Variants in SOX5 observed in about 807,000 individuals in gnomAD.
SOX5 encodes the protein SRY-box transcription factor 5.
A neutral mutation model predicts 92.0 loss-of-function variants in SOX5; 9 were observed. The observed-to-expected ratio is 0.10, with a 90% CI of 0.06 to 0.17. The LOEUF is 0.17. Among genes scored for constraint, SOX5 ranks in the 10% least tolerant of loss-of-function variants. The pLI is 1.00. For missense variants in SOX5, 642 were observed against 944.5 expected, an observed-to-expected ratio of 0.68 and a Z score of 4.20; for synonymous variants, 344 against 336.3, an observed-to-expected ratio of 1.02 and a Z score of -0.25.
intron 3 of SOX5, among the ~76,000 whole-genome samples, chr12:24,263,869 T>TTCCTGTACACATTCC (rs1942629126): frequency 6.6e-6 from 1 of 152,188 alleles, no homozygotes; most frequent in Non-Finnish European, 1.5e-5. Flanking sequence ...TCCTGCACAC[T>TTCCTGTACACATTCC]TGTACTTTCT....
intron 3 of SOX5, among the ~76,000 whole-genome samples, chr12:24,266,264 C>T (rs1243253196): frequency 6.6e-6 from 1 of 152,148 alleles, no homozygotes; most frequent in African/African-American, 2.4e-5. Flanking sequence ...TTACTATTAA[C>T]ACTATATCCC....
intron 6 of SOX5, among the ~76,000 whole-genome samples, chr12:23,723,288 C>G (rs1438972909): frequency 6.6e-6 from 1 of 151,832 alleles, no homozygotes; most frequent in Admixed American, 6.6e-5. Flanking sequence ...CTCAATCTTT[C>G]CAACTTACTC....
chr12:23,670,025 A>C (rs563603636), intron 6 of SOX5, among the ~76,000 whole-genome samples: 4 of 152,318 alleles, frequency 2.6e-5, no homozygotes, highest in African/African-American at 4.8e-5. Flanking sequence ...TTCCAACAAC[A>C]GTTCAACAAA....
chr12:24,146,963 AT>A (rs1951155619), intron 4 of SOX5, among the ~76,000 whole-genome samples: 1 of 152,126 alleles, frequency 6.6e-6, no homozygotes, highest in South Asian at 2.1e-4. Context: ...CTTCATGTCT[AT>A]TTTTTAAATG....
At chr12:24,105,667 C>T (rs932447314) in intron 4 of SOX5, among the ~76,000 whole-genome samples, 3 of 152,154 alleles carry the variant, frequency 2.0e-5, no homozygotes, top group Non-Finnish European at 4.4e-5. Flanking sequence ...AATTACATAA[C>T]ATATGTAGTT....
At chr12:24,434,674 T>G (rs1369345488) in intron 1 of SOX5, among the ~76,000 whole-genome samples, 5 of 152,086 alleles carry the variant, frequency 3.3e-5, no homozygotes, top group African/African-American at 1.2e-4. Flanking sequence ...TGTCCTGAGA[T>G]CTGGTTGTTT....
At chr12:23,894,881 C>A (rs892611062) in intron 2 of SOX5, among the ~76,000 whole-genome samples, 2 of 152,090 alleles carry the variant, frequency 1.3e-5, no homozygotes, top group African/African-American at 4.8e-5. Flanking sequence ...ATTAACAACA[C>A]TAACATCCTT....
intron 13 of SOX5, among the ~76,000 whole-genome samples, chr12:23,540,003 G>T (rs1274792358): frequency 6.6e-6 from 1 of 151,704 alleles, no homozygotes; most frequent in African/African-American, 2.4e-5. Context: ...GGCTTTGCAG[G>T]TACTATAACC....
At chr12:23,989,668 T>G (rs1259694341) in intron 4 of SOX5, among the ~76,000 whole-genome samples, 1 of 152,088 alleles carries the variant, frequency 6.6e-6, no homozygotes, top group South Asian at 2.1e-4. Context: ...ATTTGTGCCC[T>G]TATAACTATA....
chr12:24,256,506 G>A (rs2140207647), intron 3 of SOX5, among the ~76,000 whole-genome samples: 1 of 152,264 alleles, frequency 6.6e-6, no homozygotes, highest in South Asian at 2.1e-4. Context: ...TTGCCCAACA[G>A]GAATTTTAAG....
At chr12:24,047,586 G>A (rs976077482) in intron 4 of SOX5, among the ~76,000 whole-genome samples, 3 of 152,116 alleles carry the variant, frequency 2.0e-5, no homozygotes, top group African/African-American at 7.2e-5. Flanking sequence ...GAAGCCCTAC[G>A]CAAATTTATG....
intron 2 of SOX5, among the ~76,000 whole-genome samples, chr12:23,859,327 GT>G (rs2096728557): frequency 6.6e-6 from 1 of 152,144 alleles, no homozygotes. Flanking sequence ...ATTTCCAGGG[GT>G]AGGCCTACAG....
At chr12:24,178,935 T>C (rs1170989378) in intron 4 of SOX5, among the ~76,000 whole-genome samples, 1 of 152,156 alleles carries the variant, frequency 6.6e-6, no homozygotes, top group Admixed American at 6.5e-5. Context: ...AGAAACAGAA[T>C]TGGAGGACGA....
At chr12:24,457,053 A>G (rs2137422341) in intron 1 of SOX5, among the ~76,000 whole-genome samples, 1 of 152,346 alleles carries the variant, frequency 6.6e-6, no homozygotes, top group South Asian at 2.1e-4. Context: ...TTAATGTCAG[A>G]TAGGAAGCAA....
chr12:24,411,453 A>G (rs1176880081), intron 1 of SOX5, among the ~76,000 whole-genome samples: 1 of 152,164 alleles, frequency 6.6e-6, no homozygotes, highest in Non-Finnish European at 1.5e-5. Context: ...GATGTTTTAT[A>G]GATGTTCCAT....
At chr12:23,574,132 T>C (rs968078473) in intron 10 of SOX5, among the ~76,000 whole-genome samples, 10 of 151,948 alleles carry the variant, frequency 6.6e-5, no homozygotes, top group African/African-American at 2.4e-4. Flanking sequence ...TTAATATTAG[T>C]TATTTATCTA....
At chr12:23,846,960 A>G in intron 2 of SOX5, among the ~76,000 whole-genome samples, 1 of 152,158 alleles carries the variant, frequency 6.6e-6, no homozygotes. Context: ...GTGAATAAAA[A>G]TAATTTATTG....
At chr12:24,151,283 A>G (rs1326525811) in intron 4 of SOX5, among the ~76,000 whole-genome samples, 2 of 152,136 alleles carry the variant, frequency 1.3e-5, no homozygotes, top group Non-Finnish European at 2.9e-5. Context: ...ATTATACTCT[A>G]ATTTCCCTTT....
At chr12:23,976,398 CAAAAAAACAAAAAA>C (rs1331969639) in intron 4 of SOX5, among the ~76,000 whole-genome samples, 1 of 106,790 alleles carries the variant, frequency 9.4e-6, no homozygotes, top group Admixed American at 1.1e-4. Flanking sequence ...ATTAAAAAAA[CAAAAAAACAAAAAA>C]AAAAAAAAAA....
Sources: gnomAD v4.1 joint callset for allele counts (sites outside exome capture counted in the v4.1 genomes callset) on GRCh38, gnomAD v4.1.1 for gene constraint, MANE v1.5 for transcripts, NCBI Gene and HGNC (gene_info 2026-07-23, HGNC 2026-07-21) for gene names.